Variants in ZNF564 observed in about 807,000 individuals in gnomAD.
ZNF564 encodes zinc finger protein 564.
ZNF564 carries 5 observed loss-of-function variants against 10.5 expected under a neutral mutation model. The ratio of observed to expected loss-of-function variants is 0.48; its 90% CI spans 0.25 to 1.00. The LOEUF (loss-of-function observed/expected upper bound fraction) is 1.00. Among genes scored for constraint, ZNF564 ranks in the 50% least tolerant of loss-of-function variants. The pLI is 0.16. For synonymous variants in ZNF564, 242 were observed against 218.1 expected, an observed-to-expected ratio of 1.11 and a Z score of -0.97; for missense variants, 603 against 669.7, an observed-to-expected ratio of 0.90 and a Z score of 1.10.
chr19:12,547,827 T>C (rs1377504323), intron 1 of ZNF564, among the ~76,000 whole-genome samples: 2 of 152,002 alleles, frequency 1.3e-5, no homozygotes, highest in East Asian at 3.8e-4. Context: ...TTTTTTTTTT[T>C]TGAGACTGAG....
chr19:12,541,905 C>T (rs978084994), intron 1 of ZNF564, among the ~76,000 whole-genome samples: 2 of 150,082 alleles, frequency 1.3e-5, no homozygotes, highest in Non-Finnish European at 3.0e-5. Flanking sequence ...ATCCCAGATA[C>T]TCAGGAGGCT....
In ZNF564 at chr19:12,527,393, T is replaced by C. The variant is rs748168507; in HGVS notation, c.715A>G (p.Ser239Gly). 28 of 1,614,008 alleles carry C rather than the reference T, an allele frequency of 1.7e-5. No homozygotes were observed. Among genetic ancestry groups the C allele is most frequent in the Middle Eastern group, 1.6e-4 (1 of 6,084 alleles). Residue 239 changes from serine (S) to glycine (G), a missense_variant, in exon 4 of 4, where the codon AGT becomes GGT. Transcript: ENST00000339282. ...ECAKAFISLP[S>G]FQRHMIRHTG... ...TGCCTAATCATGTGTCTTTGAAAAC[T>C]TGGAAGAGAAATGAAAGCTTTTGCA...
chr19:12,545,046 G>GTC (rs2022123707), intron 1 of ZNF564, among the ~76,000 whole-genome samples: 2 of 152,036 alleles, frequency 1.3e-5, no homozygotes, highest in Non-Finnish European at 2.9e-5. Context: ...ATCACCTGAG[G>GTC]TCAGGAGTTT....
chr19:12,536,861 A>G (rs1236661982), intron 1 of ZNF564, among the ~76,000 whole-genome samples: 1 of 152,134 alleles, frequency 6.6e-6, no homozygotes, highest in African/African-American at 2.4e-5. Context: ...TGAACCTGAA[A>G]ACTCCTAATA....
chr19:12,548,767 A>C, intron 1 of ZNF564: 1 of 700,894 alleles, frequency 1.4e-6, no homozygotes, highest in Non-Finnish European at 2.6e-6. Flanking sequence ...CTAATATTTA[A>C]TATTTCAAAG....
chr19:12,544,207 A>T (rs2022111044), intron 1 of ZNF564, among the ~76,000 whole-genome samples: 1 of 152,206 alleles, frequency 6.6e-6, no homozygotes, highest in South Asian at 2.1e-4. Context: ...GCAGAAAGAT[A>T]AACCAAAGAA....
intron 1 of ZNF564, among the ~76,000 whole-genome samples, chr19:12,539,976 G>A (rs187904628): frequency 3.2e-4 from 47 of 147,584 alleles, no homozygotes; most frequent in Non-Finnish European, 5.8e-4. Flanking sequence ...ACGAGACTCC[G>A]TCTCAAAAAA....
chr19:12,536,453 A>T (rs2021915275), intron 1 of ZNF564, among the ~76,000 whole-genome samples: 1 of 152,200 alleles, frequency 6.6e-6, no homozygotes, highest in African/African-American at 2.4e-5. Flanking sequence ...CTGACATGGC[A>T]GGCGTAAGCC....
At chr19:12,528,054 A>C in intron 3 of ZNF564, 138 bp from the exon 4 acceptor site, 1 of 1,004,202 alleles carries the variant, frequency 1.0e-6, no homozygotes. Flanking sequence ...GAATGGATGG[A>C]ATGCTCTGCA....
intron 3 of ZNF564, 105 bp downstream of exon 3, chr19:12,528,199 G>A (rs751158470): frequency 7.7e-5 from 89 of 1,160,404 alleles, no homozygotes; most frequent in Middle Eastern, 4.1e-4. Flanking sequence ...AAAGTTGTAG[G>A]AATAAATAAA....
intron 1 of ZNF564, among the ~76,000 whole-genome samples, chr19:12,540,747 G>A (rs987760803): frequency 4.6e-5 from 7 of 151,966 alleles, no homozygotes; most frequent in African/African-American, 1.2e-4. Flanking sequence ...CCAGCTACTC[G>A]GGAGGCTGAG....
intron 1 of ZNF564, among the ~76,000 whole-genome samples, chr19:12,549,993 CAAA>C (rs1475562460): frequency 6.6e-6 from 1 of 152,140 alleles, no homozygotes; most frequent in African/African-American, 2.4e-5. Context: ...AGGGGAAGCA[CAAA>C]AATTTTTTTA....
chr19:12,545,433 C>CGAAGT (rs2022133175), intron 1 of ZNF564, among the ~76,000 whole-genome samples: 1 of 152,010 alleles, frequency 6.6e-6, no homozygotes. Context: ...CTGTGACACC[C>CGAAGT]GAAGTGTAAA....
In ZNF564 at chr19:12,539,849, T is replaced by C. The variant is rs191313627; in HGVS notation, c.4-11153A>G. On this transcript the variant is annotated intron_variant, in intron 1 of 3. Coordinates refer to ENST00000339282, the MANE Select transcript of ZNF564 (RefSeq NM_144976.4). ...AAGAAAAATTAGCCAGGTGTGGTGG[T>C]GGGCGCCTGTAGTCCCAGCTACTCG... Among the ~76,000 whole-genome samples the C allele has an allele frequency of 3.3e-3, 486 of 145,910 alleles. 1 individual carries two copies. The highest frequency in any genetic ancestry group is 0.01 in the African/African-American group (404 of 39,442).
At chr19:12,533,859 C>G (rs1292376895) in intron 1 of ZNF564, among the ~76,000 whole-genome samples, 1 of 141,856 alleles carries the variant, frequency 7.0e-6, no homozygotes, top group Non-Finnish European at 1.5e-5. Context: ...AATGAAATGG[C>G]AGGAAATCAA....
chr19:12,543,687 A>AC (rs1367454648), intron 1 of ZNF564, among the ~76,000 whole-genome samples: 3 of 151,150 alleles, frequency 2.0e-5, no homozygotes, highest in Admixed American at 1.3e-4. Context: ...AAAAAAAAAA[A>AC]AAAAAAAAAC....
rs1366446316 is a variant in ZNF564 at position 12,528,027 on chromosome 19, ATGAATTGTT to A, written c.192-120_192-112del. Reference sequence around the variant, plus strand: ...GGAAAGGGTAAGTTTTCAGGCCTGTATGAATTGTTTGAAAGTGAATGGATGGAATGCTCT... The same window carrying A: ...GGAAAGGGTAAGTTTTCAGGCCTGTATGAAAGTGAATGGATGGAATGCTCT... On this transcript the variant is annotated intron_variant, in intron 3 of 3. Transcript: ENST00000339282. The A allele has an allele frequency of 2.0e-5, 25 of 1,235,904 alleles. No homozygotes were observed. In the Admixed American group the frequency reaches 5.8e-4, roughly 29 times the overall value. 76.6% of individuals were successfully genotyped at this position (1,235,904 alleles called of 1,614,324 possible). A position where few individuals can be genotyped will look rare whatever the true frequency, so the allele number is the denominator to read the frequency against.
chr19:12,527,665 T>G lies in ZNF564; in HGVS notation c.443A>C (p.Lys148Thr). 6.2e-7 allele frequency: 1 copy of G among 1,614,208 alleles called. No individual in the cohort carries two copies. Among genetic ancestry groups the G allele is most frequent in the Non-Finnish European group, 8.5e-7 (1 of 1,180,022 alleles). ...AAAGGATTGACAAGAACTGAAGGCT[T>G]TCCCACACTGCTTACATTTATATGG... The part of the protein sequence containing the change: ...EKPYKCKQCG[K>T]AFSSCQSFRR... The change falls in exon 4 of 4, where the codon AAA becomes ACA. Residue 148 changes from lysine (K) to threonine (T), a missense_variant. Lys to Thr is a moderately conservative substitution (Grantham distance 78). Coordinates refer to ENST00000339282, the MANE Select transcript of ZNF564 (RefSeq NM_144976.4).
chr19:12,549,718 C>A (rs1206310075), intron 1 of ZNF564, among the ~76,000 whole-genome samples: 1 of 152,100 alleles, frequency 6.6e-6, no homozygotes, highest in Non-Finnish European at 1.5e-5. Flanking sequence ...GAGACTCCTC[C>A]CACCTCAGGG....
Sources: allele counts gnomAD v4.1 joint callset (sites outside exome capture counted in the v4.1 genomes callset), GRCh38; gene constraint gnomAD v4.1.1; transcripts MANE v1.5; gene names NCBI Gene and HGNC (gene_info 2026-07-23, HGNC 2026-07-21).